Variants in RBPJ observed in about 807,000 individuals in gnomAD.
RBPJ encodes the protein recombining binding protein suppressor of hairless.
Under a neutral mutation model 67.8 loss-of-function variants are expected in RBPJ, and 9 were observed. The observed-to-expected ratio is 0.13, with a 90% CI of 0.08 to 0.23. RBPJ has a LOEUF of 0.23. Among genes scored for constraint, RBPJ ranks in the 10% least tolerant of loss-of-function variants. RBPJ has a pLI of 1.00. For missense variants in RBPJ, 305 were observed against 595.6 expected (o/e 0.51, Z 5.08); for synonymous variants, 198 against 203.3 (o/e 0.97, Z 0.22).
the RBPJ span, among the ~76,000 whole-genome samples, chr4:26,127,321 A>G: frequency 6.6e-6 from 1 of 152,158 alleles, no homozygotes; most frequent in Admixed American, 6.5e-5. Context: ...TCCCAATTCA[A>G]ATCACTGACA....
chr4:26,370,371 T>C (rs1729032423), intron 1 of RBPJ, among the ~76,000 whole-genome samples: 1 of 152,244 alleles, frequency 6.6e-6, no homozygotes, highest in Admixed American at 6.5e-5. Context: ...ATTTGTTAAC[T>C]AATAACATTA....
chr4:26,186,540 G>A (rs1182574850), intron 1 of RBPJ, among the ~76,000 whole-genome samples: 2 of 152,118 alleles, frequency 1.3e-5, no homozygotes, highest in African/African-American at 2.4e-5. Context: ...TTCTTGCAGT[G>A]CCTGAGCGAG....
At position 26,386,341 on chromosome 4, in the gene RBPJ, T is replaced by A; in HGVS notation, c.21-12T>A. ...TTACTTAACTTTATTTTCTTTATTT[T>A]TTTTTTTCCAGGAAATTTGGTGAGC... is the stretch of plus-strand genomic sequence containing the variant. On this transcript the variant is annotated splice_polypyrimidine_tract_variant and intron_variant, in intron 1 of 10. Coordinates refer to ENST00000355476, the MANE Select transcript of RBPJ (RefSeq NM_015874.6). The A allele has an allele frequency of 1.3e-6, 2 of 1,592,142 alleles. No homozygotes were observed. Among genetic ancestry groups the A allele is most frequent in the East Asian group, 4.5e-5 (2 of 44,722 alleles).
intron 3 of RBPJ, among the ~76,000 whole-genome samples, chr4:26,412,188 G>A (rs1357312750): frequency 3.3e-5 from 5 of 151,526 alleles, no homozygotes; most frequent in East Asian, 1.9e-4. Context: ...TATAGGTTGC[G>A]CATTCCCAAT....
intron 5 of RBPJ, 35 bp downstream of exon 5, chr4:26,420,760 A>G (rs774064782): frequency 1.3e-6 from 2 of 1,514,066 alleles, no homozygotes; most frequent in Non-Finnish European, 1.8e-6. Flanking sequence ...CCCAACTGCC[A>G]CCATGAATTA....
At chr4:26,116,357 A>C in the RBPJ span, among the ~76,000 whole-genome samples, 13 of 152,324 alleles carry the variant, frequency 8.5e-5, no homozygotes, top group Admixed American at 8.5e-4. Flanking sequence ...CAGAAAAAGA[A>C]AATCTTACCT....
the RBPJ span, among the ~76,000 whole-genome samples, chr4:26,148,098 T>C: frequency 1.3e-5 from 2 of 152,122 alleles, no homozygotes; most frequent in Non-Finnish European, 2.9e-5. Context: ...AAGAAGAAGA[T>C]TTGGAAGTAG....
intron 1 of RBPJ, chr4:26,322,274 C>T (rs1275329724): frequency 1.3e-5 from 2 of 152,226 alleles, no homozygotes; most frequent in East Asian, 3.9e-4. Context: ...TTTCAGATAG[C>T]CACAATGGAT....
chr4:26,390,377 A>C (rs1213611704), intron 2 of RBPJ, among the ~76,000 whole-genome samples: 1 of 152,216 alleles, frequency 6.6e-6, no homozygotes, highest in Non-Finnish European at 1.5e-5. Context: ...GATTTCATTT[A>C]ACATTGTATT....
At chr4:26,421,309 C>CTT (rs201283151) in intron 5 of RBPJ, among the ~76,000 whole-genome samples, 1 of 146,058 alleles carries the variant, frequency 6.8e-6, no homozygotes, top group Admixed American at 6.8e-5. Context: ...GGAGACTTTT[C>CTT]TTTTTTTTTT....
chr4:26,382,204 T>C (rs1006359980), intron 1 of RBPJ, among the ~76,000 whole-genome samples: 4 of 152,192 alleles, frequency 2.6e-5, no homozygotes, highest in Non-Finnish European at 5.9e-5. Flanking sequence ...AGATAAAAAA[T>C]GTGTACCTTC....
At chr4:26,384,810 CCTCTCCCCTCTCCCCCTCCCCTCTCA>C (rs1730672509) in intron 1 of RBPJ, among the ~76,000 whole-genome samples, 1 of 84,424 alleles carries the variant, frequency 1.2e-5, no homozygotes, top group Non-Finnish European at 2.4e-5. Flanking sequence ...TCCCCTCTCG[CCTCTCCCCTCTCCCCCTCCCCTCTCA>C]CCTCTCCCCT....
At chr4:26,233,595 T>C (rs1719361828) in intron 1 of RBPJ, among the ~76,000 whole-genome samples, 1 of 152,248 alleles carries the variant, frequency 6.6e-6, no homozygotes, top group Admixed American at 6.5e-5. Context: ...GTCGTTATTA[T>C]TGGGATCCTT....
chr4:26,126,651 C>T, the RBPJ span, among the ~76,000 whole-genome samples: 1 of 152,180 alleles, frequency 6.6e-6, no homozygotes, highest in Non-Finnish European at 1.5e-5. Flanking sequence ...TTTTGAGAAC[C>T]TCTAATATCA....
At position 26,280,395 on chromosome 4, in the gene RBPJ, C is replaced by CA. The variant is rs11295196; in HGVS notation, c.-166-82030dup. Reference sequence around the variant, plus strand: ...TGGGTGACAGAGCAACACTTCATCTCAAAAAAAAAAAAAAAAAAAAAGAGA... The same window carrying CA: ...TGGGTGACAGAGCAACACTTCATCTCAAAAAAAAAAAAAAAAAAAAAAGAGA... On this transcript the variant is annotated intron_variant, in intron 1 of 4. Coordinates refer to the RBPJ transcript ENST00000512351. 7.9e-3 allele frequency among the ~76,000 whole-genome samples: 687 copies of CA among 86,664 alleles called. 10 individuals carry two copies. Among genetic ancestry groups the CA allele is most frequent in the African/African-American group, 0.02 (459 of 23,254 alleles). The allele number at this position is 86,664 out of a possible 152,430, so 56.9% of individuals were successfully genotyped here. A position where few individuals can be genotyped will look rare whatever the true frequency, so the allele number is the denominator to read the frequency against.
intron 1 of RBPJ, among the ~76,000 whole-genome samples, chr4:26,282,967 G>A (rs1189937386): frequency 2.7e-4 from 21 of 76,762 alleles, no homozygotes; most frequent in Non-Finnish European, 4.1e-4. Flanking sequence ...GTCTCGTTTT[G>A]TCACCCAGGC....
At chr4:26,178,001 T>C (rs376568269) in intron 1 of RBPJ, among the ~76,000 whole-genome samples, 1 of 152,238 alleles carries the variant, frequency 6.6e-6, no homozygotes, top group South Asian at 2.1e-4. Flanking sequence ...ATGACTTGGA[T>C]GGATAGATTG....
chr4:26,312,407 A>C (rs926242457), intron 1 of RBPJ, among the ~76,000 whole-genome samples: 1 of 152,146 alleles, frequency 6.6e-6, no homozygotes, highest in African/African-American at 2.4e-5. Flanking sequence ...CTGGGATTAC[A>C]GGTGTGAGCC....
At chr4:26,353,811 A>T (rs1727061875) in intron 1 of RBPJ, among the ~76,000 whole-genome samples, 1 of 151,590 alleles carries the variant, frequency 6.6e-6, no homozygotes, top group Admixed American at 6.6e-5. Flanking sequence ...GGGTTTCACC[A>T]TGTTGGTCAG....
Sources: gnomAD v4.1 joint callset for allele counts (sites outside exome capture counted in the v4.1 genomes callset) on GRCh38, gnomAD v4.1.1 for gene constraint, MANE v1.5 for transcripts, NCBI Gene and HGNC (gene_info 2026-07-23, HGNC 2026-07-21) for gene names.